The following TTC13 variants were observed in gnomAD, a reference collection of about 807,000 sequenced individuals.
TTC13 encodes the protein tetratricopeptide repeat protein 13.
Under a neutral mutation model 120.0 loss-of-function variants are expected in TTC13, and 62 were observed. The ratio of observed to expected loss-of-function variants is 0.52; its 90% CI spans 0.42 to 0.64. The LOEUF is 0.64. Ranked by LOEUF, TTC13 falls within the 30% of genes least tolerant of loss-of-function variation. The probability of loss-of-function intolerance (pLI) is 0.00; values close to 1 mark genes in which losing one functional copy is unlikely to be tolerated. For missense variants in TTC13, 824 were observed against 1,050.2 expected (o/e 0.78, Z 2.98); for synonymous variants, 384 against 393.5 (o/e 0.98, Z 0.28).
chr1:230,915,317 C>A (rs1043630772), intron 18 of TTC13, among the ~76,000 whole-genome samples: 1 of 151,508 alleles, frequency 6.6e-6, no homozygotes, highest in Non-Finnish European at 1.5e-5. Flanking sequence ...GGGCATGGCA[C>A]TTCCCAAGGC....
chr1:230,969,560 A>G (rs1050367646), intron 1 of TTC13, among the ~76,000 whole-genome samples: 1 of 152,230 alleles, frequency 6.6e-6, no homozygotes, highest in Non-Finnish European at 1.5e-5. Flanking sequence ...AATCTTAAGC[A>G]GTATTTTCAA....
At position 230,924,900 on chromosome 1, in the gene TTC13, A is replaced by C. The variant is rs1365514822; in HGVS notation, c.1662T>G (p.Asn554Lys). ...TCCACTGCATCAACCGTGTCTTCCC[A>C]TTCATTCGAACTTTCGAGTTGGTCC... ...RTWTNSKVRM[N>K]GKTRLMQWRD... The change falls in exon 14 of 23, where the codon AAT (asparagine) becomes AAG (lysine). Residue 554 changes from asparagine (N) to lysine (K), a missense_variant. By Grantham distance (94) the Asn-to-Lys change is moderately conservative. This residue lies in a region of TTC13 where 430 missense variants were observed against 626.8 expected (regional missense o/e 0.69). Transcript: ENST00000366661. The C allele has an allele frequency of 6.2e-7, 1 of 1,614,206 alleles. No homozygotes were observed. The highest frequency in any genetic ancestry group is 8.5e-7 in the Non-Finnish European group (1 of 1,180,038).
intron 4 of TTC13, 91 bp from the exon 5 acceptor site, chr1:230,945,545 T>C (rs1024966751): frequency 8.7e-7 from 1 of 1,155,612 alleles, no homozygotes; most frequent in African/African-American, 1.5e-5. Context: ...ATGCCGCAAG[T>C]GACAGCTCTA....
chr1:230,909,873 T>C (rs1361052372), intron 20 of TTC13, among the ~76,000 whole-genome samples: 1 of 152,082 alleles, frequency 6.6e-6, no homozygotes, highest in Non-Finnish European at 1.5e-5. Context: ...AGAACGAGTG[T>C]AGAGCTGCGA....
chr1:230,973,618 G>T (rs1468673436), intron 1 of TTC13, among the ~76,000 whole-genome samples: 3 of 152,192 alleles, frequency 2.0e-5, no homozygotes, highest in Non-Finnish European at 4.4e-5. Flanking sequence ...CACTGTTCTT[G>T]TTACTACTAC....
At chr1:230,969,241 G>A (rs1311130551) in intron 1 of TTC13, among the ~76,000 whole-genome samples, 2 of 149,004 alleles carry the variant, frequency 1.3e-5, no homozygotes, top group East Asian at 4.0e-4. Context: ...CAGCCTGGGT[G>A]ACAAAGCGAC....
chr1:230,971,073 C>T (rs35610408), intron 1 of TTC13, among the ~76,000 whole-genome samples: 33,676 of 151,926 alleles, frequency 0.22, 3,922 homozygotes, highest in East Asian at 0.4. Context: ...TGGCCAGGCG[C>T]GGTGGCTCAT....
At position 230,978,844 on chromosome 1, in the gene TTC13, G is replaced by A. The variant is rs776325668; in HGVS notation, c.-14C>T. 2.1e-6 allele frequency: 3 copies of A among 1,461,612 alleles called. No homozygotes were observed. The Admixed American group carries it at 7.8e-5, about 38-fold the overall frequency. The allele number at this position is 1,461,612 out of a possible 1,614,324, so 90.5% of individuals were successfully genotyped here. ...GGCAGGTGCCATCTTCCCTCAAGGC[G>A]CATGCGCGACAGCCCTTGCCCGGCT... On this transcript the variant is annotated 5_prime_UTR_variant, in exon 1 of 23. Coordinates refer to ENST00000366661, the MANE Select transcript of TTC13 (RefSeq NM_024525.5). This position sits in a 1 kb window ranked among gnomAD's most constrained non-coding sequence, Gnocchi z 5.6.
At chr1:230,951,329 A>C (rs4846884) in intron 4 of TTC13, among the ~76,000 whole-genome samples, 130,106 of 151,830 alleles carry the variant, frequency 0.86, 55,779 homozygotes, top group East Asian at 0.98. Flanking sequence ...TAAACAGAAT[A>C]ATATTCCATG....
chr1:230,923,978 T>C, intron 14 of TTC13, 45 bp from the exon 15 acceptor site: 1 of 1,485,948 alleles, frequency 6.7e-7, no homozygotes, highest in East Asian at 2.3e-5. Flanking sequence ...TTCAGAAGCA[T>C]TCCAAATAAA....
intron 17 of TTC13, among the ~76,000 whole-genome samples, chr1:230,918,142 ACT>A (rs1461078197): frequency 1.3e-5 from 2 of 152,166 alleles, no homozygotes; most frequent in African/African-American, 2.4e-5. Flanking sequence ...CTGGAACCAG[ACT>A]CTGTTTTGCA....
chr1:230,909,061 T>C, intron 20 of TTC13, 41 bp from the exon 21 acceptor site: 1 of 1,535,232 alleles, frequency 6.5e-7, no homozygotes, highest in Non-Finnish European at 8.9e-7. Context: ...TCCTGGACGG[T>C]CTACAGTTAC....
rs1290911693 is a variant in TTC13 at position 230,940,614 on chromosome 1, A to G, written c.673-58T>C. 4 of 1,163,742 alleles carry G rather than the reference A, an allele frequency of 3.4e-6. No homozygotes were observed. Among genetic ancestry groups the G allele is most frequent in the South Asian group, 1.2e-5 (1 of 80,462 alleles). 72.1% of individuals were successfully genotyped at this position (1,163,742 alleles called of 1,614,324 possible). ...ACCAATGACCAACCCTAAAATCCCA[A>G]TGTTTTTGACTCTTCAATTCCACCT... On this transcript the variant is annotated intron_variant, in intron 6 of 22. Coordinates refer to ENST00000366661, the MANE Select transcript of TTC13 (RefSeq NM_024525.5). This position sits in a 1 kb window ranked among gnomAD's most constrained non-coding sequence, Gnocchi z 4.1.
intron 12 of TTC13, 88 bp from the exon 13 acceptor site, chr1:230,925,735 C>A: frequency 6.8e-7 from 1 of 1,461,066 alleles, no homozygotes; most frequent in Non-Finnish European, 9.5e-7. Flanking sequence ...ACTTCCTCCA[C>A]GGGAAAACTA....
intron 15 of TTC13, among the ~76,000 whole-genome samples, chr1:230,922,095 C>G (rs2102792430): frequency 6.6e-6 from 1 of 152,242 alleles, no homozygotes; most frequent in Non-Finnish European, 1.5e-5. Flanking sequence ...AGGTTACTGT[C>G]AAGTAAGAAT....
At chr1:230,928,141 A>C (rs1673200704) in intron 12 of TTC13, among the ~76,000 whole-genome samples, 3 of 152,162 alleles carry the variant, frequency 2.0e-5, no homozygotes, top group Admixed American at 2.0e-4. Context: ...TTGTTCTTCA[A>C]TACATTTGCT....
intron 20 of TTC13, 152 bp from the exon 21 acceptor site, chr1:230,909,172 G>A: frequency 1.5e-6 from 1 of 669,922 alleles, no homozygotes; most frequent in South Asian, 2.0e-5. Context: ...ATGAAAATAT[G>A]CCTATTTGTT....
intron 13 of TTC13, 67 bp downstream of exon 13, chr1:230,925,450 A>G: frequency 6.4e-7 from 1 of 1,562,644 alleles, no homozygotes; most frequent in Non-Finnish European, 8.8e-7. Flanking sequence ...TAAAATGCAC[A>G]ACATGGCTTA....
chr1:230,969,004 G>A (rs574811008), intron 1 of TTC13, among the ~76,000 whole-genome samples: 269 of 152,340 alleles, frequency 1.8e-3, no homozygotes, highest in African/African-American at 6.4e-3. Flanking sequence ...GCTGGGTGCG[G>A]TGGCTCACGC....
Sources: gnomAD v4.1 joint callset for allele counts (sites outside exome capture counted in the v4.1 genomes callset) on GRCh38, gnomAD v4.1.1 for gene constraint, gnomAD v4.1.1 regional missense constraint, Gnocchi (gnomAD v3.1) non-coding constraint, MANE v1.5 for transcripts, NCBI Gene and HGNC (gene_info 2026-07-23, HGNC 2026-07-21) for gene names.